Variants in ADGRG6 observed in about 807,000 individuals in gnomAD.
The protein encoded by ADGRG6 is adhesion G protein-coupled receptor G6, also known as G-protein coupled receptor 126.
In ADGRG6, 84 loss-of-function variants were observed where a neutral mutation model predicts 142.4. That is an observed-to-expected ratio of 0.59 (90% CI 0.49 to 0.71). The LOEUF is 0.71. Among genes scored for constraint, ADGRG6 ranks in the 30% least tolerant of loss-of-function variants. The pLI is 0.00. For synonymous variants in ADGRG6, 521 were observed against 520.5 expected (o/e 1.00, Z -0.01); for missense variants, 1,367 against 1,466.6 (o/e 0.93, Z 1.11).
At chr6:142,334,796 T>C (rs963045554) in intron 2 of ADGRG6, among the ~76,000 whole-genome samples, 3 of 152,226 alleles carry the variant, frequency 2.0e-5, no homozygotes, top group Non-Finnish European at 2.9e-5. Flanking sequence ...CATAAGTATC[T>C]TTTAATAAAC....
In ADGRG6 at chr6:142,383,813, G is replaced by C; in HGVS notation, c.1192G>C (p.Val398Leu). Residue 398 changes from valine (V) to leucine (L), a missense_variant, in exon 6 of 25, where the codon GTT becomes CTT. By Grantham distance (32) the Val-to-Leu change is conservative. Transcript: ENST00000367609. ...TPPTVTTNMPVTNRIDKQRND... is the reference protein window; with the variant it reads ...TPPTVTTNMPLTNRIDKQRND... ...ACCCACTGTCACCACTAACATGCCT[G>C]TTACTAACAGAATCGATAAACAAAG... 1 of 1,566,504 alleles carries C rather than the reference G, an allele frequency of 6.4e-7. No individual in the cohort carries two copies. The highest frequency in any genetic ancestry group is 8.8e-7 in the Non-Finnish European group (1 of 1,137,442).
intron 2 of ADGRG6, among the ~76,000 whole-genome samples, chr6:142,314,236 A>G (rs1233543783): frequency 6.6e-6 from 1 of 152,204 alleles, no homozygotes; most frequent in Non-Finnish European, 1.5e-5. Flanking sequence ...AAAGCCAATT[A>G]CATAAACGTA....
chr6:142,390,144 A>G (rs1302753953), intron 6 of ADGRG6, 114 bp from the exon 7 acceptor site: 1 of 413,242 alleles, frequency 2.4e-6, no homozygotes, highest in East Asian at 4.2e-5. Context: ...TTATGTGATT[A>G]TGAATAAAAC....
chr6:142,433,675 G>A (rs932395897), intron 22 of ADGRG6, among the ~76,000 whole-genome samples: 1 of 152,164 alleles, frequency 6.6e-6, no homozygotes, highest in African/African-American at 2.4e-5. Flanking sequence ...TCCCCAACCT[G>A]GAGCACAGGG....
intron 3 of ADGRG6, 68 bp downstream of exon 3, chr6:142,367,978 C>A: frequency 1.2e-6 from 1 of 837,056 alleles, no homozygotes; most frequent in Non-Finnish European, 1.9e-6. Flanking sequence ...AACACAAGGA[C>A]CAGAAGACAG....
At chr6:142,323,766 C>A (rs1172391727) in intron 2 of ADGRG6, among the ~76,000 whole-genome samples, 1 of 151,986 alleles carries the variant, frequency 6.6e-6, no homozygotes, top group Non-Finnish European at 1.5e-5. Context: ...ATTTGCGTAT[C>A]TGAATGTGTC....
intron 22 of ADGRG6, among the ~76,000 whole-genome samples, chr6:142,424,765 A>G (rs1266624080): frequency 6.6e-6 from 1 of 152,164 alleles, no homozygotes. Context: ...CATTCCAGCA[A>G]AAATCATGAT....
intron 1 of ADGRG6, among the ~76,000 whole-genome samples, chr6:142,307,889 A>G (rs1475475471): frequency 6.6e-5 from 10 of 152,020 alleles, no homozygotes; most frequent in Admixed American, 4.6e-4. Context: ...TGATTTTAGA[A>G]CTTCTAGTTT....
rs183485287 is a variant in ADGRG6, at chr6:142,356,825, A to T, written c.104-10744A>T. Among the ~76,000 whole-genome samples the T allele has an allele frequency of 9.3e-4, 141 of 152,354 alleles. 1 individual carries two copies. Among genetic ancestry groups the T allele is most frequent in the Admixed American group, 3.7e-3 (56 of 15,302 alleles). On this transcript the variant is annotated intron_variant, in intron 2 of 24. Transcript: ENST00000367609. ...ACTTCGAACATAGCCAAATAACCAC[A>T]TAAGCACGAATTACTTCAAAAGGAA...
intron 14 of ADGRG6, chr6:142,405,177 C>T (rs779580698): frequency 2.3e-5 from 8 of 354,754 alleles, no homozygotes; most frequent in South Asian, 4.5e-5. Flanking sequence ...AGTCAACCTC[C>T]GTCTCATTCC....
rs929032665 is a variant in ADGRG6 at position 142,445,691 on chromosome 6, A to G, written c.*2176A>G. ...AAATGGATTTGAAAGATTGAGCCAA[A>G]TTCTGTTGTCAGTTCTAAGCATGCA... On this transcript the variant is annotated 3_prime_UTR_variant, in exon 25 of 25. Transcript: ENST00000367609. The G allele has an allele frequency of 6.6e-5, 10 of 152,188 alleles. No homozygotes were observed. Among genetic ancestry groups the G allele is most frequent in the African/African-American group, 2.2e-4 (9 of 41,452 alleles). The allele number at this position is 152,188 out of a possible 1,614,324, so 9.4% of individuals were successfully genotyped here.
intron 2 of ADGRG6, among the ~76,000 whole-genome samples, chr6:142,349,947 T>C (rs1305170850): frequency 6.6e-6 from 1 of 152,230 alleles, no homozygotes; most frequent in Non-Finnish European, 1.5e-5. Context: ...TTAAATATTG[T>C]ATTCATAAAT....
chr6:142,405,648 T>C (rs1775764800), intron 14 of ADGRG6, 40 bp from the exon 15 acceptor site: 1 of 1,530,952 alleles, frequency 6.5e-7, no homozygotes, highest in Admixed American at 1.7e-5. Flanking sequence ...TACCATTCAA[T>C]TATGATTACT....
At position 142,416,060 on chromosome 6, in the gene ADGRG6, C is replaced by A. The variant is rs745869871; in HGVS notation, c.2934C>A (p.Gly978=). 3.1e-6 allele frequency: 5 copies of A among 1,610,606 alleles called. No homozygotes were observed. The South Asian group carries it at 4.4e-5, about 14-fold the overall frequency. ...ACATTCTAAAATTCTGCATCATTGG[C>A]TGGGGTAAGCCTCTTAAAATTTTTT... ...RRYILKFCII[G]WGLPALVVSV... is the part of the protein sequence containing the mutation. Residue 978 remains glycine (G), a synonymous_variant, in exon 20 of 25, where the codon GGC becomes GGA. Transcript: ENST00000367609.
intron 2 of ADGRG6, among the ~76,000 whole-genome samples, chr6:142,366,092 A>G (rs1195128859): frequency 1.3e-5 from 2 of 152,208 alleles, no homozygotes; most frequent in African/African-American, 4.8e-5. Flanking sequence ...ATTAGTTGCA[A>G]AAGCATCTCT....
chr6:142,396,152 A>G (rs1472284688), intron 9 of ADGRG6, among the ~76,000 whole-genome samples: 1 of 152,196 alleles, frequency 6.6e-6, no homozygotes, highest in Non-Finnish European at 1.5e-5. Context: ...TATTCAAGAC[A>G]AGTAAAAGGT....
At chr6:142,374,100 G>C (rs1164970560) in intron 4 of ADGRG6, among the ~76,000 whole-genome samples, 1 of 151,944 alleles carries the variant, frequency 6.6e-6, no homozygotes, top group Non-Finnish European at 1.5e-5. Flanking sequence ...TGTGTTAATT[G>C]ATTGTGATCA....
chr6:142,338,013 C>G (rs1363067805), intron 2 of ADGRG6, among the ~76,000 whole-genome samples: 1 of 26,078 alleles, frequency 3.8e-5, no homozygotes, highest in Non-Finnish European at 6.9e-5. Context: ...TGCCTTGTAT[C>G]TTTGTTTTTT....
intron 2 of ADGRG6, among the ~76,000 whole-genome samples, chr6:142,322,168 G>A (rs1778550214): frequency 6.6e-6 from 1 of 152,118 alleles, no homozygotes; most frequent in Admixed American, 6.6e-5. Flanking sequence ...GAAAGGCTGA[G>A]GTGAGAGAAT....
Sources: gnomAD v4.1 joint callset for allele counts (sites outside exome capture counted in the v4.1 genomes callset) on GRCh38, gnomAD v4.1.1 for gene constraint, MANE v1.5 for transcripts, NCBI Gene and HGNC (gene_info 2026-07-23, HGNC 2026-07-21) for gene names.